The following ST3GAL3 variants were observed in gnomAD, a reference collection of about 807,000 sequenced individuals.
The protein encoded by ST3GAL3 is ST3 beta-galactoside alpha-2,3-sialyltransferase 3, also known as CMP-N-acetylneuraminate-beta-1,4-galactoside alpha-2,3-sialyltransferase.
In ST3GAL3, 21 loss-of-function variants were observed where a neutral mutation model predicts 50.1. The ratio of observed to expected loss-of-function variants is 0.42; its 90% CI spans 0.30 to 0.60. The LOEUF is 0.60. Among genes scored for constraint, ST3GAL3 ranks in the 20% least tolerant of loss-of-function variants. ST3GAL3 has a pLI of 0.19. For synonymous variants in ST3GAL3, 183 were observed against 190.0 expected (o/e 0.96, Z 0.30); for missense variants, 353 against 489.4 (o/e 0.72, Z 2.63).
intron 5 of ST3GAL3, among the ~76,000 whole-genome samples, chr1:43,845,727 AAGGTT>A (rs924383089): frequency 1.3e-5 from 2 of 151,648 alleles, no homozygotes; most frequent in African/African-American, 4.8e-5. Context: ...CTTAGGCTAG[AAGGTT>A]AGATCATTGA....
intron 1 of ST3GAL3, among the ~76,000 whole-genome samples, chr1:43,721,904 CAT>C (rs1670687129): frequency 6.6e-6 from 1 of 152,054 alleles, no homozygotes; most frequent in Non-Finnish European, 1.5e-5. Context: ...CCGGCCCCCT[CAT>C]GTATTTTTTT....
At chr1:43,788,111 C>T (rs1476578014) in intron 2 of ST3GAL3, among the ~76,000 whole-genome samples, 1 of 152,198 alleles carries the variant, frequency 6.6e-6, no homozygotes, top group Non-Finnish European at 1.5e-5. Context: ...GTTTACTGTA[C>T]AAATTTTACA....
chr1:43,885,579 G>A (rs114347687), intron 5 of ST3GAL3, among the ~76,000 whole-genome samples: 2,967 of 152,210 alleles, frequency 0.019, 60 homozygotes, highest in Non-Finnish European at 0.024. Flanking sequence ...ATACCTTAAG[G>A]GCCACCTCCA....
intron 5 of ST3GAL3, among the ~76,000 whole-genome samples, chr1:43,853,573 T>C (rs1569598807): frequency 6.6e-6 from 1 of 152,358 alleles, no homozygotes; most frequent in East Asian, 1.9e-4. Flanking sequence ...GGCTGGCTAG[T>C]GGCCAAGGTA....
chr1:43,718,141 G>A (rs1459015656), intron 1 of ST3GAL3, among the ~76,000 whole-genome samples: 1 of 150,532 alleles, frequency 6.6e-6, no homozygotes, highest in Non-Finnish European at 1.5e-5. Flanking sequence ...CCAAAGTGTT[G>A]GGATTAGAGG....
intron 6 of ST3GAL3, among the ~76,000 whole-genome samples, chr1:43,895,076 AAGG>A (rs957340603): frequency 6.6e-6 from 1 of 152,194 alleles, no homozygotes; most frequent in African/African-American, 2.4e-5. Context: ...AGGGCAGTAC[AAGG>A]AGCTGTGAGA....
intron 2 of ST3GAL3, among the ~76,000 whole-genome samples, chr1:43,778,835 G>A (rs1572690450): frequency 6.6e-6 from 1 of 151,816 alleles, no homozygotes; most frequent in African/African-American, 2.4e-5. Context: ...TTTTAGTAGA[G>A]GCAGGGTTTC....
chr1:43,772,314 C>T, intron 2 of ST3GAL3: 1 of 310,890 alleles, frequency 3.2e-6, no homozygotes, highest in Non-Finnish European at 5.8e-6. Context: ...TCCCAAAGTG[C>T]TGGGATTACA....
At chr1:43,730,799 G>A (rs188933123) in intron 1 of ST3GAL3, among the ~76,000 whole-genome samples, 45 of 151,122 alleles carry the variant, frequency 3.0e-4, no homozygotes, top group Non-Finnish European at 6.0e-4. Context: ...TCAAATTCCT[G>A]GCCTCTCAAA....
chr1:43,798,652 A>C (rs2058967594), intron 3 of ST3GAL3, among the ~76,000 whole-genome samples: 1 of 152,198 alleles, frequency 6.6e-6, no homozygotes, highest in Non-Finnish European at 1.5e-5. Context: ...CATCTAAAGT[A>C]GTCCACTCCT....
chr1:43,719,934 G>GAAAAAAAAAAAAAAA (rs148364295), intron 1 of ST3GAL3, among the ~76,000 whole-genome samples: 1 of 41,730 alleles, frequency 2.4e-5, no homozygotes, highest in Non-Finnish European at 4.0e-5. Flanking sequence ...CTCTGTCTCA[G>GAAAAAAAAAAAAAAA]AAAAAAAAAA....
intron 2 of ST3GAL3, among the ~76,000 whole-genome samples, chr1:43,746,285 A>G (rs957177369): frequency 2.0e-5 from 3 of 152,168 alleles, no homozygotes; most frequent in Non-Finnish European, 4.4e-5. Flanking sequence ...TAGTCAATTC[A>G]TAGAGACAGA....
intron 5 of ST3GAL3, 114 bp from the exon 6 acceptor site, chr1:43,894,269 G>A (rs749254178): frequency 2.3e-4 from 238 of 1,031,334 alleles, no homozygotes; most frequent in Non-Finnish European, 3.3e-4. Context: ...GGGGTATGCC[G>A]GAATGCAGAG....
intron 3 of ST3GAL3, among the ~76,000 whole-genome samples, chr1:43,804,536 G>C (rs2059661323): frequency 6.6e-6 from 1 of 152,138 alleles, no homozygotes; most frequent in African/African-American, 2.4e-5. Context: ...AGGTGACTCA[G>C]GAAGTCTTTG....
chr1:43,930,006 T>C (rs891830006), intron 11 of ST3GAL3, 126 bp from the exon 12 acceptor site: 3 of 809,928 alleles, frequency 3.7e-6, no homozygotes, highest in Non-Finnish European at 4.4e-6. Flanking sequence ...TGATTACCAG[T>C]ATCTGCCTTC....
intron 1 of ST3GAL3, among the ~76,000 whole-genome samples, chr1:43,723,434 T>C (rs970287425): frequency 1.3e-5 from 2 of 151,878 alleles, no homozygotes; most frequent in Admixed American, 1.3e-4. Flanking sequence ...GCATGTGATA[T>C]CTGCTCCCTT....
At chr1:43,796,550 T>C (rs1015734811) in intron 3 of ST3GAL3, among the ~76,000 whole-genome samples, 2 of 152,208 alleles carry the variant, frequency 1.3e-5, no homozygotes, top group African/African-American at 4.8e-5. Flanking sequence ...AAAATGGAAC[T>C]GATGTTGAAA....
At chr1:43,766,623 G>T (rs1388181419) in intron 2 of ST3GAL3, among the ~76,000 whole-genome samples, 1 of 152,058 alleles carries the variant, frequency 6.6e-6, no homozygotes, top group Admixed American at 6.6e-5. Context: ...GTGAGACCGA[G>T]GATTGCAGAG....
chr1:43,863,850 T>G (rs2070658442), intron 5 of ST3GAL3, among the ~76,000 whole-genome samples: 1 of 152,202 alleles, frequency 6.6e-6, no homozygotes, highest in East Asian at 1.9e-4. Context: ...GATCCCAATC[T>G]GGACCTGCCC....
Sources: gnomAD v4.1 joint callset for allele counts (sites outside exome capture counted in the v4.1 genomes callset) on GRCh38, gnomAD v4.1.1 for gene constraint, MANE v1.5 for transcripts, NCBI Gene and HGNC (gene_info 2026-07-23, HGNC 2026-07-21) for gene names.